The following EYS variants were observed in gnomAD, a reference collection of about 807,000 sequenced individuals.
The protein encoded by EYS is protein eyes shut homolog.
In EYS, 250 loss-of-function variants were observed where a neutral mutation model predicts 282.1. That is an observed-to-expected ratio of 0.89 (90% CI 0.80 to 0.98). The LOEUF (loss-of-function observed/expected upper bound fraction) is 0.98, where lower values mean the gene tolerates loss of function less well. Ranked by LOEUF, EYS falls within the 50% of genes least tolerant of loss-of-function variation. The pLI, the probability that EYS is intolerant of heterozygous loss-of-function variation, is 0.00. For missense variants in EYS, 4,016 were observed against 3,709.0 expected (o/e 1.08, Z -2.15); for synonymous variants, 1,355 against 1,282.9 (o/e 1.06, Z -1.20).
chr6:63,958,258 A>T (rs957663777), intron 35 of EYS, among the ~76,000 whole-genome samples: 1 of 140,930 alleles, frequency 7.1e-6, no homozygotes, highest in African/African-American at 2.4e-5. Context: ...TTAAGCTATC[A>T]GTCTACCTGA....
At chr6:64,762,212 A>G (rs1773181508) in intron 22 of EYS, among the ~76,000 whole-genome samples, 1 of 152,236 alleles carries the variant, frequency 6.6e-6, no homozygotes, top group Admixed American at 6.5e-5. Context: ...TATAATTTTA[A>G]AAATGACTTT....
rs576856908 is a variant in EYS at position 63,751,415 on chromosome 6, G to A, written c.8071+11046C>T. ...AGGTAAGAATAATTTAAGACTTTTT[G>A]TAGCATGTATTAATCTATTATTTGC... On this transcript the variant is annotated intron_variant, in intron 41 of 42. Coordinates refer to ENST00000503581, the MANE Select transcript of EYS (RefSeq NM_001142800.2). Among the ~76,000 whole-genome samples the A allele has an allele frequency of 2.6e-5, 4 of 152,282 alleles. No individual in the cohort carries two copies. In the South Asian group the frequency reaches 8.3e-4, roughly 32 times the overall value.
chr6:64,633,342 T>C (rs1179165260), intron 22 of EYS, among the ~76,000 whole-genome samples: 1 of 152,122 alleles, frequency 6.6e-6, no homozygotes, highest in Non-Finnish European at 1.5e-5. Context: ...TAGATGATAT[T>C]ATTTCGTATC....
rs763174132 is a variant in EYS, at chr6:65,405,202, T to C, written c.1028A>G (p.Asn343Ser). Residue 343 changes from asparagine to serine, a missense_variant, in exon 6 of 43, where the codon AAT becomes AGT. Asn to Ser is a conservative substitution (Grantham distance 46, BLOSUM62 1). Coordinates refer to ENST00000503581, the MANE Select transcript of EYS (RefSeq NM_001142800.2). ...TGATATTTTGATGCAGTCAGTACCA[T>C]TCTGACATGGTACTAATGAAAACTC... ...VSEFSLVPCQ[N>S]GTDCIKISND... 1.1e-5 allele frequency: 18 copies of C among 1,613,062 alleles called. No individual in the cohort carries two copies. The South Asian group carries it at 1.8e-4, about 16-fold the overall frequency.
rs1769834905 is a variant in EYS at position 65,332,555 on chromosome 6, T to C, written c.1766+2425A>G. The C allele has an allele frequency of 4.6e-5, 30 of 652,570 alleles. No homozygotes were observed. The South Asian group carries it at 5.7e-4, about 12-fold the overall frequency. The allele number at this position is 652,570 out of a possible 1,614,324, so 40.4% of individuals were successfully genotyped here. A position where few individuals can be genotyped will look rare whatever the true frequency, so the allele number is the denominator to read the frequency against. On this transcript the variant is annotated intron_variant, in intron 11 of 42. Transcript: ENST00000503581. Reference sequence around the variant, plus strand: ...TGATCTTAGTGGTATACAGAGGGTTTATAGTGCTATATAGAGGGATTGAAA... The same window carrying C: ...TGATCTTAGTGGTATACAGAGGGTTCATAGTGCTATATAGAGGGATTGAAA...
At chr6:64,260,218 A>C (rs1767543946) in intron 30 of EYS, among the ~76,000 whole-genome samples, 1 of 152,016 alleles carries the variant, frequency 6.6e-6, no homozygotes, top group Non-Finnish European at 1.5e-5. Context: ...GCTATCTTAA[A>C]CACAGTGAGA....
At position 63,984,413 on chromosome 6, in the gene EYS, T is replaced by G; in HGVS notation, c.7025A>C (p.His2342Pro). 6.5e-7 allele frequency: 1 copy of G among 1,549,482 alleles called. No homozygotes were observed. The highest frequency in any genetic ancestry group is 2.4e-5 in the East Asian group (1 of 40,850). ...GCAGGTGCCATTGTTGCGGCACAGA[T>G]GATGAGCACACCAAGGGACGTGGCA... Reference protein sequence around the residue: ...ENCHVPWCAHHLCRNNGTCIS... With the variant: ...ENCHVPWCAHPLCRNNGTCIS... Residue 2342 changes from histidine to proline, a missense_variant, in exon 35 of 43, where the codon CAT becomes CCT. His to Pro is a moderately conservative substitution (Grantham distance 77). Transcript: ENST00000503581.
At chr6:65,310,734 T>C (rs9360122) in intron 11 of EYS, among the ~76,000 whole-genome samples, 149,382 of 152,018 alleles carry the variant, frequency 0.98, 73,446 homozygotes, top group East Asian at 1. Flanking sequence ...ATTTCTCGAG[T>C]GATTCCCATT....
intron 30 of EYS, among the ~76,000 whole-genome samples, chr6:64,253,998 G>A (rs538316555): frequency 2.3e-4 from 35 of 151,960 alleles, no homozygotes; most frequent in Non-Finnish European, 4.3e-4. Flanking sequence ...CTCATTCTGG[G>A]AACTGTAATC....
chr6:64,725,561 A>C (rs967838769), intron 22 of EYS, among the ~76,000 whole-genome samples: 5 of 152,286 alleles, frequency 3.3e-5, no homozygotes, highest in Admixed American at 3.3e-4. Flanking sequence ...CCTATTATGA[A>C]TACAATATTA....
At chr6:64,574,985 T>G (rs773514469) in intron 26 of EYS, among the ~76,000 whole-genome samples, 130 of 152,230 alleles carry the variant, frequency 8.5e-4, no homozygotes, top group Non-Finnish European at 1.7e-3. Flanking sequence ...TAGAGAGTGA[T>G]AGAGGCACTA....
chr6:64,218,486 C>G (rs1362250907), intron 31 of EYS, among the ~76,000 whole-genome samples: 1 of 152,090 alleles, frequency 6.6e-6, no homozygotes, highest in African/African-American at 2.4e-5. Context: ...CACAGTTGGC[C>G]TAATCACATT....
Position 65,595,132 on chromosome 6 carries a change from T to G in EYS, c.-333+44646A>C, listed in dbSNP as rs149912730. On this transcript the variant is annotated intron_variant, in intron 2 of 42. Transcript: ENST00000503581. Reference sequence around the variant, plus strand: ...GCACATATACACCATGGAATACTATTCAGCCATAAAAAAACGATGAGTTCA... The same window carrying G: ...GCACATATACACCATGGAATACTATGCAGCCATAAAAAAACGATGAGTTCA... Among the ~76,000 whole-genome samples, 696 of 152,080 alleles carry G rather than the reference T, an allele frequency of 4.6e-3. 1 individual carries two copies. The highest frequency in any genetic ancestry group is 0.017 in the Middle Eastern group (5 of 292).
At chr6:64,082,719 A>G (rs941308787) in intron 31 of EYS, among the ~76,000 whole-genome samples, 3 of 152,082 alleles carry the variant, frequency 2.0e-5, no homozygotes, top group Non-Finnish European at 4.4e-5. Flanking sequence ...TTAGTTTTAG[A>G]CTTATAGAAT....
chr6:65,007,965 T>C (rs996877598), intron 13 of EYS, among the ~76,000 whole-genome samples: 1 of 152,156 alleles, frequency 6.6e-6, no homozygotes, highest in Non-Finnish European at 1.5e-5. Flanking sequence ...CCACCATAAC[T>C]GCAGCCCGAG....
At chr6:65,385,989 A>C (rs1011646972) in intron 7 of EYS, among the ~76,000 whole-genome samples, 1 of 151,918 alleles carries the variant, frequency 6.6e-6, no homozygotes, top group African/African-American at 2.4e-5. Flanking sequence ...TGAATTGGCC[A>C]AGAGCAGTTA....
At chr6:64,523,275 T>G (rs548591799) in intron 26 of EYS, among the ~76,000 whole-genome samples, 5 of 151,904 alleles carry the variant, frequency 3.3e-5, no homozygotes, top group Admixed American at 3.3e-4. Flanking sequence ...GTCAGCCAGT[T>G]TGTTTCATTT....
intron 12 of EYS, among the ~76,000 whole-genome samples, chr6:65,064,842 G>A (rs1773696633): frequency 6.6e-6 from 1 of 152,074 alleles, no homozygotes; most frequent in South Asian, 2.1e-4. Flanking sequence ...TGGAAAAATT[G>A]TATATGCAAA....
Position 63,934,196 on chromosome 6 carries a change from C to T in EYS, c.7055+50187G>A, listed in dbSNP as rs970099859. On this transcript the variant is annotated intron_variant, in intron 35 of 42. Transcript: ENST00000503581. ...AGAGAAATGCAAATCAAAATCACAA[C>T]GAGATACCATCTCACACCAGTTAGA... Among the ~76,000 whole-genome samples the T allele has an allele frequency of 2.6e-4, 40 of 152,188 alleles. 1 individual carries two copies. Among genetic ancestry groups the T allele is most frequent in the Admixed American group, 2.2e-3 (34 of 15,284 alleles).
Sources: allele counts gnomAD v4.1 joint callset (sites outside exome capture counted in the v4.1 genomes callset), GRCh38; gene constraint gnomAD v4.1.1; transcripts MANE v1.5; gene names NCBI Gene and HGNC (gene_info 2026-07-23, HGNC 2026-07-21).